The following PTPRM variants were observed in gnomAD, a reference collection of about 807,000 sequenced individuals.
PTPRM encodes the protein protein tyrosine phosphatase receptor type M, also known as receptor-type tyrosine-protein phosphatase mu.
A neutral mutation model predicts 186.7 loss-of-function variants in PTPRM; 47 were observed. That is an observed-to-expected ratio of 0.25 (90% CI 0.20 to 0.32). The LOEUF (loss-of-function observed/expected upper bound fraction) is 0.32, where lower values mean the gene tolerates loss of function less well. Among genes scored for constraint, PTPRM ranks in the 10% least tolerant of loss-of-function variants. The pLI, the probability that PTPRM is intolerant of heterozygous loss-of-function variation, is 1.00. For synonymous variants in PTPRM, 668 were observed against 674.9 expected (o/e 0.99, Z 0.16); for missense variants, 1,494 against 1,865.0 (o/e 0.80, Z 3.66).
At chr18:8,269,914 G>T (rs536128058) in intron 19 of PTPRM, 1 of 151,900 alleles carries the variant, frequency 6.6e-6, no homozygotes, top group Non-Finnish European at 1.5e-5. Context: ...CATGAGACCC[G>T]AGACAGTAAA....
rs1283336846 is a variant in PTPRM at position 7,694,856 on chromosome 18, A to G, written c.74-79293A>G. Among the ~76,000 whole-genome samples the G allele has an allele frequency of 4.6e-5, 7 of 152,160 alleles. No homozygotes were observed. In the East Asian group the frequency reaches 1.3e-3, roughly 29 times the overall value. ...TCAGGATCAATATATTTAAAACAAT[A>G]TTTTTTAAATTGAAGTTAAAAAAAA... On this transcript the variant is annotated intron_variant, in intron 1 of 32. Transcript: ENST00000580170.
intron 1 of PTPRM, among the ~76,000 whole-genome samples, chr18:7,720,782 C>T (rs1022684694): frequency 6.6e-6 from 1 of 152,092 alleles, no homozygotes; most frequent in Non-Finnish European, 1.5e-5. Context: ...CCTTAAGGTT[C>T]ATGCATGTGG....
intron 6 of PTPRM, among the ~76,000 whole-genome samples, chr18:7,952,803 C>T (rs866356536): frequency 4.6e-5 from 7 of 151,936 alleles, no homozygotes; most frequent in East Asian, 3.9e-4. Flanking sequence ...GTCAGGAGTT[C>T]GAGACCAGCC....
At chr18:8,209,923 G>A (rs952413565) in intron 14 of PTPRM, among the ~76,000 whole-genome samples, 1 of 146,112 alleles carries the variant, frequency 6.8e-6, no homozygotes, top group Non-Finnish European at 1.5e-5. Context: ...AACCACCATG[G>A]CACAGGTATA....
intron 19 of PTPRM, among the ~76,000 whole-genome samples, chr18:8,277,056 C>T (rs1364535141): frequency 6.6e-6 from 1 of 151,958 alleles, no homozygotes; most frequent in Admixed American, 6.6e-5. Context: ...CCTGCCTCAG[C>T]CCCCTGAGTA....
chr18:8,122,836 T>G (rs2092223298), intron 13 of PTPRM, among the ~76,000 whole-genome samples: 1 of 152,196 alleles, frequency 6.6e-6, no homozygotes, highest in South Asian at 2.1e-4. Flanking sequence ...AACAGCTTTG[T>G]GTGTATGTAC....
At chr18:7,728,241 T>C (rs561809678) in intron 1 of PTPRM, among the ~76,000 whole-genome samples, 1 of 152,364 alleles carries the variant, frequency 6.6e-6, no homozygotes, top group East Asian at 1.9e-4. Context: ...ATAGCAGTGA[T>C]GCAGGATTTT....
chr18:7,671,750 A>G (rs2144491855), intron 1 of PTPRM, among the ~76,000 whole-genome samples: 1 of 152,330 alleles, frequency 6.6e-6, no homozygotes, highest in African/African-American at 2.4e-5. Context: ...AGAAAGCCAG[A>G]GTTTTTAAAT....
intron 1 of PTPRM, among the ~76,000 whole-genome samples, chr18:7,575,416 G>A (rs930106965): frequency 6.6e-6 from 1 of 152,162 alleles, no homozygotes; most frequent in Non-Finnish European, 1.5e-5. Flanking sequence ...ATCCGCTTAC[G>A]TGTGCATCTC....
At chr18:7,681,303 T>C (rs1394018929) in intron 1 of PTPRM, among the ~76,000 whole-genome samples, 1 of 152,172 alleles carries the variant, frequency 6.6e-6, no homozygotes, top group African/African-American at 2.4e-5. Context: ...ACTGATGTTA[T>C]CCTTTTTGTT....
At chr18:7,590,689 G>C (rs1173659782) in intron 1 of PTPRM, among the ~76,000 whole-genome samples, 1 of 152,188 alleles carries the variant, frequency 6.6e-6, no homozygotes, top group Non-Finnish European at 1.5e-5. Context: ...ATAATCACAA[G>C]ATAGTGATGT....
At chr18:7,886,023 A>T (rs1319855585) in intron 2 of PTPRM, among the ~76,000 whole-genome samples, 2 of 152,190 alleles carry the variant, frequency 1.3e-5, no homozygotes, top group African/African-American at 2.4e-5. Context: ...AGCTTAAGTG[A>T]TGGGAACAAT....
rs182939079 is a variant in PTPRM at position 7,796,728 on chromosome 18, C to G, written c.196+22457C>G. Among the ~76,000 whole-genome samples the G allele has an allele frequency of 2.1e-3, 313 of 152,312 alleles. 1 individual carries two copies. Among genetic ancestry groups the G allele is most frequent in the African/African-American group, 6.9e-3 (287 of 41,580 alleles). On this transcript the variant is annotated intron_variant, in intron 2 of 32. Transcript: ENST00000580170. ...ACATCACTGGGTTCAGATTCACCCC[C>G]ACACCCGTATCGCCATAACACAATG...
At chr18:8,271,731 A>G (rs1437442523) in intron 19 of PTPRM, among the ~76,000 whole-genome samples, 1 of 152,032 alleles carries the variant, frequency 6.6e-6, no homozygotes, top group African/African-American at 2.4e-5. Context: ...ATATTTTCAT[A>G]TGAATTTCTA....
At chr18:7,806,492 G>A (rs1410312743) in intron 2 of PTPRM, among the ~76,000 whole-genome samples, 1 of 152,140 alleles carries the variant, frequency 6.6e-6, no homozygotes, top group Non-Finnish European at 1.5e-5. Context: ...ACTAATTTGG[G>A]GAAAGGGGAG....
intron 13 of PTPRM, among the ~76,000 whole-genome samples, chr18:8,133,531 G>A (rs1174239292): frequency 6.6e-6 from 1 of 152,188 alleles, no homozygotes; most frequent in African/African-American, 2.4e-5. Context: ...AGTTCAGCAG[G>A]AGAGAGAATA....
At chr18:7,651,704 G>C (rs953443276) in intron 1 of PTPRM, among the ~76,000 whole-genome samples, 34 of 152,134 alleles carry the variant, frequency 2.2e-4, no homozygotes, top group Admixed American at 1.6e-3. Flanking sequence ...GCCATATGTA[G>C]AAAGCTGAAA....
At chr18:7,702,734 T>C (rs2039993316) in intron 1 of PTPRM, among the ~76,000 whole-genome samples, 1 of 152,220 alleles carries the variant, frequency 6.6e-6, no homozygotes, top group Non-Finnish European at 1.5e-5. Context: ...TTTGTTGCCA[T>C]TGCTTTTGTT....
chr18:7,572,350 A>G (rs2036585015), intron 1 of PTPRM, among the ~76,000 whole-genome samples: 1 of 152,190 alleles, frequency 6.6e-6, no homozygotes, highest in Non-Finnish European at 1.5e-5. Context: ...TTATAAATGA[A>G]GCATAGCCTA....
Sources: allele counts gnomAD v4.1 joint callset (sites outside exome capture counted in the v4.1 genomes callset), GRCh38; gene constraint gnomAD v4.1.1; transcripts MANE v1.5; gene names NCBI Gene and HGNC (gene_info 2026-07-23, HGNC 2026-07-21).